The following MAP2 variants were observed in gnomAD, a reference collection of about 807,000 sequenced individuals.
MAP2 encodes microtubule-associated protein 2.
MAP2 carries 14 observed loss-of-function variants against 137.6 expected under a neutral mutation model. That is an observed-to-expected ratio of 0.10 (90% CI 0.07 to 0.16). The LOEUF (loss-of-function observed/expected upper bound fraction) is 0.16, where lower values mean the gene tolerates loss of function less well. MAP2 is among the 10% of genes least tolerant of loss of function. The pLI, the probability that MAP2 is intolerant of heterozygous loss-of-function variation, is 1.00. For missense variants in MAP2, 2,088 were observed against 2,191.5 expected (o/e 0.95, Z 0.94); for synonymous variants, 786 against 782.3 (o/e 1.00, Z -0.08).
chr2:209,650,997 A>T (rs934134513), intron 4 of MAP2, among the ~76,000 whole-genome samples: 1 of 152,230 alleles, frequency 6.6e-6, no homozygotes, highest in African/African-American at 2.4e-5. Context: ...AAAGATTAGG[A>T]TACTGATGTA....
chr2:209,523,744 G>A (rs1255373537), intron 2 of MAP2, among the ~76,000 whole-genome samples: 2 of 152,078 alleles, frequency 1.3e-5, no homozygotes, highest in Admixed American at 6.6e-5. Context: ...CAGGTGGTCC[G>A]AATCAAAGAT....
At chr2:209,553,366 G>A (rs1489510813) in intron 2 of MAP2, among the ~76,000 whole-genome samples, 7 of 152,112 alleles carry the variant, frequency 4.6e-5, no homozygotes, top group Admixed American at 4.6e-4. Context: ...GCCCTGTACC[G>A]TACATCATTA....
At chr2:209,667,983 A>G (rs10196953) in intron 5 of MAP2, among the ~76,000 whole-genome samples, 10,431 of 152,054 alleles carry the variant, frequency 0.069, 663 homozygotes, top group African/African-American at 0.17. Flanking sequence ...TCCTTGCCCT[A>G]TATCAGGCTA....
intron 2 of MAP2, among the ~76,000 whole-genome samples, chr2:209,575,518 CAAAAAAAAAAAA>C (rs71043942): frequency 3.5e-5 from 1 of 28,374 alleles, no homozygotes; most frequent in Non-Finnish European, 9.0e-5. Context: ...GACTCCATCT[CAAAAAAAAAAAA>C]AAAAAAAAAA....
chr2:209,511,827 C>T (rs1428410777), intron 2 of MAP2, among the ~76,000 whole-genome samples: 2 of 152,108 alleles, frequency 1.3e-5, no homozygotes, highest in Admixed American at 6.6e-5. Context: ...CTGCTTCAGC[C>T]TCTGAAGGTG....
In MAP2 at chr2:209,725,799, A is replaced by G; in HGVS notation, c.5155+9A>G. 2.6e-6 allele frequency: 4 copies of G among 1,562,944 alleles called. No homozygotes were observed. Among genetic ancestry groups the G allele is most frequent in the Non-Finnish European group, 3.5e-6 (4 of 1,154,606 alleles). ...CATCCGCCACAGGCCAGGTAAATAA[A>G]TAATTTTTAGTAGTTTGAGAAATAT... On this transcript the variant is annotated intron_variant, in intron 14 of 15. Coordinates refer to ENST00000682079, the MANE Select transcript of MAP2 (RefSeq NM_001375505.1).
intron 7 of MAP2, among the ~76,000 whole-genome samples, chr2:209,688,487 T>A (rs1166722023): frequency 6.6e-6 from 1 of 152,194 alleles, no homozygotes; most frequent in Admixed American, 6.5e-5. Context: ...GCAGAATAAA[T>A]GTTATGGAAA....
chr2:209,523,860 C>G (rs181399246), intron 2 of MAP2, among the ~76,000 whole-genome samples: 2 of 152,018 alleles, frequency 1.3e-5, no homozygotes, highest in South Asian at 2.1e-4. Context: ...TTTTGAAAAG[C>G]GATGACTAAC....
intron 7 of MAP2, chr2:209,690,616 A>G (rs1205012154): frequency 7.8e-7 from 1 of 1,286,440 alleles, no homozygotes; most frequent in East Asian, 5.6e-5. Flanking sequence ...AAGAAACGCT[A>G]GAGAGTCGGA....
At chr2:209,624,572 T>C (rs953751227) in intron 3 of MAP2, among the ~76,000 whole-genome samples, 1 of 152,166 alleles carries the variant, frequency 6.6e-6, no homozygotes, top group African/African-American at 2.4e-5. Flanking sequence ...TAGTACTCCA[T>C]GGAGAAAATT....
chr2:209,433,445 G>A (rs1694865487), intron 1 of MAP2, among the ~76,000 whole-genome samples: 1 of 152,014 alleles, frequency 6.6e-6, no homozygotes. Flanking sequence ...AGAGGATACT[G>A]GGACACTTAA....
intron 3 of MAP2, among the ~76,000 whole-genome samples, chr2:209,583,476 T>G (rs561008925): frequency 1.0e-3 from 154 of 148,366 alleles, no homozygotes; most frequent in African/African-American, 3.5e-3. Flanking sequence ...AAGGTTTGGG[T>G]TTTTTTTTTC....
intron 1 of MAP2, among the ~76,000 whole-genome samples, chr2:209,438,231 T>A (rs1244900694): frequency 5.3e-5 from 8 of 151,658 alleles, no homozygotes; most frequent in African/African-American, 1.9e-4. Context: ...ATCAGATACT[T>A]ATGGAAACAG....
At chr2:209,455,170 A>G (rs78917516) in intron 1 of MAP2, among the ~76,000 whole-genome samples, 3,342 of 152,238 alleles carry the variant, frequency 0.022, 49 homozygotes, top group Non-Finnish European at 0.034. Flanking sequence ...CCAACATATA[A>G]ACCTTGTGGG....
In MAP2 at chr2:209,725,705, A is replaced by G. The variant is rs1485791683; in HGVS notation, c.5074-4A>G. ...TTTAAGCATGTTTTATGTGGTTCAC[A>G]TAGGTACAAATTGTTACCAAGAAAA... On this transcript the variant is annotated splice_region_variant and splice_polypyrimidine_tract_variant and intron_variant, in intron 13 of 15. Coordinates refer to ENST00000682079, the MANE Select transcript of MAP2 (RefSeq NM_001375505.1). 5.7e-6 allele frequency: 9 copies of G among 1,587,972 alleles called. No homozygotes were observed. Among genetic ancestry groups the G allele is most frequent in the East Asian group, 2.3e-5 (1 of 43,904 alleles).
chr2:209,602,797 T>C (rs548665585), intron 3 of MAP2, among the ~76,000 whole-genome samples: 1 of 152,338 alleles, frequency 6.6e-6, no homozygotes, highest in Admixed American at 6.5e-5. Flanking sequence ...CCTGTGGGCC[T>C]TGCGGCACTT....
chr2:209,696,567 A>G lies in MAP2; in HGVS notation c.4206A>G (p.Glu1402=). 1.9e-6 allele frequency: 3 copies of G among 1,613,598 alleles called. No individual in the cohort carries two copies. The highest frequency in any genetic ancestry group is 2.5e-6 in the Non-Finnish European group (3 of 1,179,852). Residue 1402 remains glutamate, a synonymous_variant, in exon 9 of 16, where the codon GAA becomes GAG. Coordinates refer to ENST00000682079, the MANE Select transcript of MAP2 (RefSeq NM_001375505.1). ...TQDDDRSIMT[E]QLETIPKEEK... is the part of the protein sequence containing the mutation. Reference sequence around the variant, plus strand: ...ATGATGATAGGAGCATCATGACAGAACAGTTAGAAACTATTCCTAAAGAGG... The same window carrying G: ...ATGATGATAGGAGCATCATGACAGAGCAGTTAGAAACTATTCCTAAAGAGG...
chr2:209,719,251 G>T (rs1000385986), intron 13 of MAP2, among the ~76,000 whole-genome samples: 1 of 152,102 alleles, frequency 6.6e-6, no homozygotes, highest in African/African-American at 2.4e-5. Flanking sequence ...ACCTAGGTTC[G>T]TACCTAATGG....
Position 209,730,623 on chromosome 2 carries a change from A to G in MAP2, c.*226A>G, listed in dbSNP as rs1378744827. 2.1e-5 allele frequency: 11 copies of G among 526,810 alleles called. No individual in the cohort carries two copies. The highest frequency in any genetic ancestry group is 5.7e-5 in the African/African-American group (3 of 52,450). The allele number at this position is 526,810 out of a possible 1,614,324, so 32.6% of individuals were successfully genotyped here. A position where few individuals can be genotyped will look rare whatever the true frequency, so the allele number is the denominator to read the frequency against. ...AAGACACTGGCTTTACATGGGTTCA[A>G]TTGGACAATTATTTTTGCTCTGCTC... is the stretch of plus-strand genomic sequence containing the variant. On this transcript the variant is annotated 3_prime_UTR_variant, in exon 16 of 16. Coordinates refer to ENST00000682079, the MANE Select transcript of MAP2 (RefSeq NM_001375505.1).
Sources: allele counts gnomAD v4.1 joint callset (sites outside exome capture counted in the v4.1 genomes callset), GRCh38; gene constraint gnomAD v4.1.1; transcripts MANE v1.5; gene names NCBI Gene and HGNC (gene_info 2026-07-23, HGNC 2026-07-21).